ZFHX3: variants seen among roughly 807,000 people sequenced by gnomAD.
The protein encoded by ZFHX3 is zinc finger homeobox protein 3.
Under a neutral mutation model 279.1 loss-of-function variants are expected in ZFHX3, and 42 were observed. The ratio of observed to expected loss-of-function variants is 0.15; its 90% CI spans 0.12 to 0.19. ZFHX3 has a LOEUF of 0.19. ZFHX3 is among the 10% of genes least tolerant of loss of function. The pLI is 1.00. For synonymous variants in ZFHX3, 2,293 were observed against 1,957.8 expected (o/e 1.17, Z -4.52); for missense variants, 4,981 against 4,754.0 (o/e 1.05, Z -1.40).
intron 1 of ZFHX3, among the ~76,000 whole-genome samples, chr16:73,043,080 G>A (rs1273307936): frequency 1.3e-5 from 2 of 152,044 alleles, no homozygotes; most frequent in Non-Finnish European, 2.9e-5. Flanking sequence ...TGTTTTGCCC[G>A]CCTCACTGGA....
chr16:73,633,742 A>G (rs920457982), intron 2 of ZFHX3, among the ~76,000 whole-genome samples: 2 of 152,146 alleles, frequency 1.3e-5, no homozygotes, highest in African/African-American at 4.8e-5. Context: ...GCTTTTGAAT[A>G]CGAAAATTAG....
intron 2 of ZFHX3, among the ~76,000 whole-genome samples, chr16:73,606,466 A>G (rs1275932429): frequency 1.4e-5 from 2 of 142,212 alleles, no homozygotes; most frequent in Non-Finnish European, 3.0e-5. Flanking sequence ...AGCTTGGGGG[A>G]CAAGAGTGAG....
At chr16:73,141,097 G>A (rs1294032178) in intron 6 of ZFHX3, among the ~76,000 whole-genome samples, 1 of 152,146 alleles carries the variant, frequency 6.6e-6, no homozygotes, top group Non-Finnish European at 1.5e-5. Flanking sequence ...AAAGAACAAA[G>A]TCAAGAATGA....
intron 1 of ZFHX3, among the ~76,000 whole-genome samples, chr16:72,992,984 A>G (rs1391192849): frequency 2.6e-5 from 4 of 152,222 alleles, no homozygotes; most frequent in African/African-American, 9.6e-5. Context: ...TAAAAATAGA[A>G]AAATTAGCCG....
At chr16:73,133,904 T>C (rs953255914) in intron 6 of ZFHX3, among the ~76,000 whole-genome samples, 20 of 152,316 alleles carry the variant, frequency 1.3e-4, no homozygotes, top group Admixed American at 1.0e-3. Flanking sequence ...GATTCGTACC[T>C]GGAGTAATCT....
At chr16:72,830,905 G>A (rs932454362) in intron 4 of ZFHX3, among the ~76,000 whole-genome samples, 15 of 152,204 alleles carry the variant, frequency 9.9e-5, no homozygotes, top group Non-Finnish European at 2.9e-5. Context: ...ACACAGGCGT[G>A]AGGGCAAGGA....
chr16:73,823,751 C>G (rs1960818585), intron 1 of ZFHX3, among the ~76,000 whole-genome samples: 1 of 152,130 alleles, frequency 6.6e-6, no homozygotes, highest in African/African-American at 2.4e-5. Context: ...TTGCTGACTC[C>G]TAGTCTAAAA....
At chr16:72,931,598 A>G (rs1442597273) in intron 3 of ZFHX3, among the ~76,000 whole-genome samples, 1 of 151,876 alleles carries the variant, frequency 6.6e-6, no homozygotes, top group Non-Finnish European at 1.5e-5. Context: ...TCAGCTGGAG[A>G]AAAATTTTGG....
chr16:73,054,669 C>T (rs1298072099), intron 1 of ZFHX3, among the ~76,000 whole-genome samples: 1 of 151,912 alleles, frequency 6.6e-6, no homozygotes, highest in Non-Finnish European at 1.5e-5. Context: ...AGAAAAATCA[C>T]AGAGGGAGAA....
intron 7 of ZFHX3, chr16:72,809,762 G>T (rs1201193435): frequency 6.6e-6 from 1 of 152,130 alleles, no homozygotes; most frequent in Non-Finnish European, 1.5e-5. Flanking sequence ...CTACCTCTCT[G>T]GGAATCTTCA....
chr16:73,694,042 G>T (rs189704734), intron 1 of ZFHX3, among the ~76,000 whole-genome samples: 1 of 130,814 alleles, frequency 7.6e-6, no homozygotes, highest in African/African-American at 2.6e-5. Context: ...AAAAAAAATT[G>T]CTAGGCACAG....
At chr16:73,764,412 C>T (rs2053905261) in intron 1 of ZFHX3, among the ~76,000 whole-genome samples, 1 of 152,126 alleles carries the variant, frequency 6.6e-6, no homozygotes, top group African/African-American at 2.4e-5. Context: ...CTGCCAGGCT[C>T]TCTAACGTCC....
intron 5 of ZFHX3, among the ~76,000 whole-genome samples, chr16:73,189,836 G>A (rs913470632): frequency 7.2e-5 from 11 of 152,190 alleles, no homozygotes; most frequent in African/African-American, 2.7e-4. Context: ...GCTCATGCCT[G>A]TAATCCTAGT....
intron 2 of ZFHX3, among the ~76,000 whole-genome samples, chr16:73,604,006 T>G (rs1048363708): frequency 6.6e-6 from 1 of 152,008 alleles, no homozygotes; most frequent in Non-Finnish European, 1.5e-5. Context: ...CTCGAACTCC[T>G]GACCTCAGGT....
At chr16:73,054,713 G>A (rs952123089) in intron 1 of ZFHX3, among the ~76,000 whole-genome samples, 1 of 151,998 alleles carries the variant, frequency 6.6e-6, no homozygotes, top group African/African-American at 2.4e-5. Context: ...GATGTCTGCC[G>A]ACCATATTCA....
intron 2 of ZFHX3, among the ~76,000 whole-genome samples, chr16:73,672,841 G>C (rs568766660): frequency 1.3e-5 from 2 of 152,178 alleles, no homozygotes; most frequent in Admixed American, 6.5e-5. Context: ...TGAAAACTGG[G>C]AGAACTATAC....
chr16:73,657,689 G>GGA, intron 2 of ZFHX3, among the ~76,000 whole-genome samples: 2 of 152,152 alleles, frequency 1.3e-5, no homozygotes, highest in South Asian at 4.2e-4. Context: ...TTTAATGGAA[G>GGA]TGAAAGCATA....
At chr16:73,822,245 T>C (rs1004517959) in intron 1 of ZFHX3, among the ~76,000 whole-genome samples, 5 of 152,132 alleles carry the variant, frequency 3.3e-5, no homozygotes, top group Admixed American at 2.6e-4. Flanking sequence ...GAACCCAGAA[T>C]TGGGGCTCTG....
chr16:72,890,424 A>C (rs1052215913), intron 3 of ZFHX3, among the ~76,000 whole-genome samples: 3 of 151,752 alleles, frequency 2.0e-5, no homozygotes, highest in African/African-American at 7.3e-5. Context: ...TAAATTACCC[A>C]GTCCTAGGCA....
Sources: gnomAD v4.1 joint callset for allele counts (sites outside exome capture counted in the v4.1 genomes callset) on GRCh38, gnomAD v4.1.1 for gene constraint, MANE v1.5 for transcripts, NCBI Gene and HGNC (gene_info 2026-07-23, HGNC 2026-07-21) for gene names.